Variants in OPN5 observed in about 807,000 individuals in gnomAD.
The protein encoded by OPN5 is opsin-5.
OPN5 carries 18 observed loss-of-function variants against 41.7 expected under a neutral mutation model. The observed-to-expected ratio is 0.43, with a 90% confidence interval of 0.30 to 0.64. The LOEUF is 0.64. OPN5 is among the 30% of genes least tolerant of loss of function. The pLI is 0.13. For synonymous variants in OPN5, 178 were observed against 164.3 expected (o/e 1.08, Z -0.64); for missense variants, 318 against 434.5 (o/e 0.73, Z 2.38).
chr6:47,824,913 CT>C (rs1220361839), downstream of OPN5: 3 of 151,254 alleles, frequency 2.0e-5, no homozygotes, highest in Non-Finnish European at 4.4e-5. Flanking sequence ...TTGTTGGAAA[CT>C]ATGCAACAGA....
intron 4 of OPN5, among the ~76,000 whole-genome samples, chr6:47,795,778 T>TCACACACACACA (rs57933636): frequency 2.8e-5 from 4 of 142,802 alleles, no homozygotes; most frequent in African/African-American, 8.2e-5. Context: ...TCTCTCTCTC[T>TCACACACACACA]CACACACACA....
chr6:47,784,413 C>T (rs570323927), intron 1 of OPN5, among the ~76,000 whole-genome samples: 1 of 152,100 alleles, frequency 6.6e-6, no homozygotes, highest in South Asian at 2.1e-4. Context: ...TCTTGTGCCT[C>T]AACCTCCTGA....
rs544573598 is a variant in OPN5 at position 47,788,732 on chromosome 6, G to A, written c.250+2098G>A. On this transcript the variant is annotated intron_variant, in intron 2 of 6. Coordinates refer to ENST00000371211, the Ensembl canonical transcript of OPN5. ...GTTGACTAAATATCAAGGGCTCCCA[G>A]TCGTGTGTATTATATACACGTGTTA... 3.4e-5 allele frequency among the ~76,000 whole-genome samples: 5 copies of A among 147,030 alleles called. No homozygotes were observed. In the South Asian group the frequency reaches 1.1e-3, roughly 33 times the overall value.
chr6:47,808,165 G>C, exon 5 of OPN5: 1 of 1,613,802 alleles, frequency 6.2e-7, no homozygotes, highest in South Asian at 1.1e-5. Context: ...TAGCGATGTT[G>C]ATTTGTGCTG....
intron 2 of OPN5, among the ~76,000 whole-genome samples, chr6:47,788,812 G>GGT (rs386406965): frequency 6.1e-5 from 9 of 146,964 alleles, no homozygotes; most frequent in East Asian, 2.0e-4. Context: ...ACCTGGGGGG[G>GGT]GGCGGTGGTG....
At chr6:47,787,965 A>G (rs1472301538) in intron 2 of OPN5, among the ~76,000 whole-genome samples, 1 of 152,206 alleles carries the variant, frequency 6.6e-6, no homozygotes, top group Non-Finnish European at 1.5e-5. Context: ...CTCTAAAAAC[A>G]AGGCTCAATA....
At chr6:47,789,770 C>G (rs1162608512) in intron 2 of OPN5, among the ~76,000 whole-genome samples, 2 of 152,164 alleles carry the variant, frequency 1.3e-5, no homozygotes, top group East Asian at 1.9e-4. Context: ...AGGAACACAC[C>G]TGGGAGAGCT....
intron 3 of OPN5, among the ~76,000 whole-genome samples, chr6:47,793,950 A>G (rs560686893): frequency 3.2e-4 from 49 of 152,238 alleles, no homozygotes; most frequent in African/African-American, 1.1e-3. Context: ...TGGGCATGAA[A>G]TTTGCATTTC....
intron 6 of OPN5, among the ~76,000 whole-genome samples, chr6:47,812,177 G>T (rs1762263466): frequency 6.6e-6 from 1 of 152,096 alleles, no homozygotes; most frequent in African/African-American, 2.4e-5. Flanking sequence ...AGGTACTTTG[G>T]TTCTCACAGC....
intron 3 of OPN5, 57 bp from the exon 4 acceptor site, chr6:47,795,172 G>A: frequency 8.0e-7 from 1 of 1,252,752 alleles, no homozygotes; most frequent in Non-Finnish European, 1.1e-6. Flanking sequence ...ATATCGAGGG[G>A]AGGTATCTGG....
chr6:47,800,216 G>T (rs186846591), intron 4 of OPN5, among the ~76,000 whole-genome samples: 1 of 152,182 alleles, frequency 6.6e-6, no homozygotes, highest in African/African-American at 2.4e-5. Context: ...CATGAGGCCA[G>T]CCATGCCAGA....
intron 4 of OPN5, among the ~76,000 whole-genome samples, chr6:47,801,812 GT>G (rs5876035): frequency 4.0e-5 from 6 of 149,838 alleles, no homozygotes; most frequent in African/African-American, 1.2e-4. Context: ...TAACAACCAT[GT>G]TTTTTTTTTC....
At chr6:47,795,037 T>C in intron 3 of OPN5, 192 bp from the exon 4 acceptor site, 1 of 513,962 alleles carries the variant, frequency 1.9e-6, no homozygotes, top group Non-Finnish European at 3.4e-6. Flanking sequence ...TCCAATTGTG[T>C]TCTCCTGGAG....
chr6:47,819,980 A>G (rs1025231058), intron 6 of OPN5, among the ~76,000 whole-genome samples: 2 of 152,246 alleles, frequency 1.3e-5, no homozygotes, highest in African/African-American at 4.8e-5. Context: ...AAAAGTCAGT[A>G]TACTACAGCC....
exon 4 of OPN5, chr6:47,795,303 A>C: frequency 6.2e-7 from 1 of 1,614,004 alleles, no homozygotes. Flanking sequence ...CTGGACCACC[A>C]TGCCCTTGGT....
chr6:47,789,849 C>T (rs941123762), intron 2 of OPN5, among the ~76,000 whole-genome samples: 4 of 151,924 alleles, frequency 2.6e-5, no homozygotes, highest in African/African-American at 4.8e-5. Flanking sequence ...GTTAGGGAAC[C>T]TTCTTTTGTG....
At chr6:47,801,440 C>T (rs903002289) in intron 4 of OPN5, among the ~76,000 whole-genome samples, 1 of 152,316 alleles carries the variant, frequency 6.6e-6, no homozygotes, top group African/African-American at 2.4e-5. Flanking sequence ...CCTTAAATGA[C>T]TCCTCCCTTT....
intron 3 of OPN5, among the ~76,000 whole-genome samples, chr6:47,794,494 T>A (rs1390557762): frequency 6.6e-6 from 1 of 152,180 alleles, no homozygotes; most frequent in Non-Finnish European, 1.5e-5. Flanking sequence ...ACTGCACTAT[T>A]TCCTCCGCTT....
intron 5 of OPN5, 90 bp downstream of exon 5, chr6:47,808,485 G>T: frequency 4.2e-6 from 6 of 1,421,692 alleles, no homozygotes; most frequent in Non-Finnish European, 5.8e-6. Context: ...GTCTTCTTAG[G>T]GTTAAAGCTC....
Sources: allele counts gnomAD v4.1 joint callset (sites outside exome capture counted in the v4.1 genomes callset), GRCh38; gene constraint gnomAD v4.1.1; transcripts MANE v1.5; gene names NCBI Gene and HGNC (gene_info 2026-07-23, HGNC 2026-07-21).